CACNG3: variants seen among roughly 807,000 people sequenced by gnomAD.
CACNG3 encodes calcium voltage-gated channel auxiliary subunit gamma 3.
In CACNG3, 3 loss-of-function variants were observed where a neutral mutation model predicts 28.5. The ratio of observed to expected loss-of-function variants is 0.11; its 90% CI spans 0.05 to 0.27. CACNG3 has a LOEUF of 0.27. Among genes scored for constraint, CACNG3 ranks in the 10% least tolerant of loss-of-function variants. The pLI is 1.00. For synonymous variants in CACNG3, 174 were observed against 162.2 expected (o/e 1.07, Z -0.55); for missense variants, 236 against 414.4 (o/e 0.57, Z 3.74).
At chr16:24,319,609 T>A (rs566694600) in intron 1 of CACNG3, among the ~76,000 whole-genome samples, 210 of 68,840 alleles carry the variant, frequency 3.1e-3, no homozygotes, top group Non-Finnish European at 5.8e-3. Flanking sequence ...TATTTATTTA[T>A]TTATTTAATT....
intron 1 of CACNG3, among the ~76,000 whole-genome samples, chr16:24,257,419 GA>G (rs1898479346): frequency 7.7e-6 from 1 of 130,710 alleles, no homozygotes; most frequent in Admixed American, 7.5e-5. Flanking sequence ...GAGAGAGAGA[GA>G]GAGAGAGATC....
intron 2 of CACNG3, among the ~76,000 whole-genome samples, chr16:24,348,860 G>A (rs1899904642): frequency 6.6e-6 from 1 of 152,192 alleles, no homozygotes; most frequent in African/African-American, 2.4e-5. Flanking sequence ...ACAGAACTGT[G>A]ACTTCTCTTC....
chr16:24,341,212 A>G (rs780102286), intron 1 of CACNG3, among the ~76,000 whole-genome samples: 1 of 152,262 alleles, frequency 6.6e-6, no homozygotes, highest in Non-Finnish European at 1.5e-5. Flanking sequence ...CAAAAATGCT[A>G]AATAGTGGTT....
chr16:24,292,144 T>A (rs1898975879), intron 1 of CACNG3, among the ~76,000 whole-genome samples: 2 of 152,050 alleles, frequency 1.3e-5, no homozygotes, highest in Admixed American at 1.3e-4. Context: ...ATGAGCAAGG[T>A]GGCAGCTAAG....
intron 1 of CACNG3, among the ~76,000 whole-genome samples, chr16:24,342,438 A>G (rs1217310273): frequency 1.3e-5 from 2 of 152,228 alleles, no homozygotes; most frequent in Non-Finnish European, 2.9e-5. Flanking sequence ...TACTTTAGAA[A>G]CACCAGCCTA....
intron 1 of CACNG3, among the ~76,000 whole-genome samples, chr16:24,321,095 A>G (rs1032433457): frequency 2.0e-5 from 3 of 152,016 alleles, no homozygotes; most frequent in Admixed American, 6.6e-5. Flanking sequence ...GCACCATCCC[A>G]CCCAGGATGT....
chr16:24,276,311 AT>A (rs1898753144), intron 1 of CACNG3, among the ~76,000 whole-genome samples: 1 of 152,244 alleles, frequency 6.6e-6, no homozygotes, highest in Non-Finnish European at 1.5e-5. Flanking sequence ...GAATTTTAAA[AT>A]AACTATTTCA....
intron 1 of CACNG3, among the ~76,000 whole-genome samples, chr16:24,257,371 GAGAGAGAGAGAGAGA>G (rs1567427541): frequency 0.018 from 160 of 8,786 alleles, 7 homozygotes; most frequent in African/African-American, 0.072. Flanking sequence ...TGAGGGGGGA[GAGAGAGAGAGAGAGA>G]GAGAGAGAGA....
chr16:24,271,077 A>G (rs1226539038), intron 1 of CACNG3, among the ~76,000 whole-genome samples: 1 of 152,104 alleles, frequency 6.6e-6, no homozygotes, highest in Non-Finnish European at 1.5e-5. Flanking sequence ...AAGGACTTTG[A>G]CTCTTAATAA....
Position 24,324,603 on chromosome 16 carries a change from T to C in CACNG3, c.212-22131T>C, listed in dbSNP as rs117728290. 2.0e-4 allele frequency among the ~76,000 whole-genome samples: 30 copies of C among 152,324 alleles called. 1 individual carries two copies. The East Asian group carries it at 5.6e-3, about 28-fold the overall frequency. On this transcript the variant is annotated intron_variant, in intron 1 of 3. Transcript: ENST00000005284. Reference sequence around the variant, plus strand: ...CCAGATCATTCTCCATCTGGCAGCCTGAGGGACCATTTACAAAATGCATAT... The same window carrying C: ...CCAGATCATTCTCCATCTGGCAGCCCGAGGGACCATTTACAAAATGCATAT...
chr16:24,306,759 C>T (rs1899190516), intron 1 of CACNG3, among the ~76,000 whole-genome samples: 1 of 152,108 alleles, frequency 6.6e-6, no homozygotes. Flanking sequence ...CACTTACAGC[C>T]CTTCATTCAG....
At chr16:24,320,917 G>T in intron 1 of CACNG3, among the ~76,000 whole-genome samples, 1 of 151,874 alleles carries the variant, frequency 6.6e-6, no homozygotes, top group East Asian at 1.9e-4. Flanking sequence ...ATTTTGGGTA[G>T]AGAAAGGGTC....
intron 2 of CACNG3, among the ~76,000 whole-genome samples, chr16:24,351,674 GA>G (rs1230143275): frequency 3.1e-4 from 44 of 141,490 alleles, no homozygotes; most frequent in African/African-American, 1.1e-3. Flanking sequence ...AAGAAAGAAA[GA>G]AAGAAAGAAG....
chr16:24,314,671 C>T (rs533553902), intron 1 of CACNG3, among the ~76,000 whole-genome samples: 69 of 152,098 alleles, frequency 4.5e-4, no homozygotes, highest in African/African-American at 1.6e-3. Context: ...GTGTTTCCAC[C>T]GACTCCCAGC....
intron 1 of CACNG3, among the ~76,000 whole-genome samples, chr16:24,264,780 C>A (rs1470573461): frequency 1.3e-5 from 2 of 152,146 alleles, no homozygotes; most frequent in Non-Finnish European, 2.9e-5. Context: ...CCAAAAGTGA[C>A]TGGGAAGTTA....
intron 2 of CACNG3, among the ~76,000 whole-genome samples, chr16:24,349,698 G>T (rs1437951260): frequency 2.0e-5 from 3 of 152,250 alleles, no homozygotes; most frequent in Middle Eastern, 3.4e-3. Flanking sequence ...TCACCATCTT[G>T]GTTTTGGCGG....
At chr16:24,332,441 G>A (rs1345814722) in intron 1 of CACNG3, among the ~76,000 whole-genome samples, 3 of 145,900 alleles carry the variant, frequency 2.1e-5, no homozygotes, top group Non-Finnish European at 4.5e-5. Flanking sequence ...CTTCAGCCTG[G>A]GCAACAGAGC....
At chr16:24,272,312 C>T (rs1233316261) in intron 1 of CACNG3, among the ~76,000 whole-genome samples, 1 of 152,040 alleles carries the variant, frequency 6.6e-6, no homozygotes, top group Non-Finnish European at 1.5e-5. Context: ...TCACTATAGA[C>T]TCATCTCCTT....
chr16:24,274,649 G>A (rs962977798), intron 1 of CACNG3, among the ~76,000 whole-genome samples: 4 of 152,112 alleles, frequency 2.6e-5, no homozygotes, highest in Admixed American at 1.3e-4. Flanking sequence ...CAAATCTTGG[G>A]CCTGACTTCA....
Sources: allele counts gnomAD v4.1 joint callset (sites outside exome capture counted in the v4.1 genomes callset), GRCh38; gene constraint gnomAD v4.1.1; transcripts MANE v1.5; gene names NCBI Gene and HGNC (gene_info 2026-07-23, HGNC 2026-07-21).